The following KRT3 variants were observed in gnomAD, a reference collection of about 807,000 sequenced individuals.
KRT3 encodes the protein keratin 3, also known as keratin, type II cytoskeletal 3.
KRT3 carries 34 observed loss-of-function variants against 45.8 expected under a neutral mutation model. The ratio of observed to expected loss-of-function variants is 0.74; its 90% CI spans 0.57 to 0.99. The LOEUF (loss-of-function observed/expected upper bound fraction) is 0.99, where lower values mean the gene tolerates loss of function less well. KRT3 is among the 50% of genes least tolerant of loss of function. KRT3 has a pLI of 0.00. For missense variants in KRT3, 828 were observed against 820.6 expected, an observed-to-expected ratio of 1.01 and a Z score of -0.11; for synonymous variants, 367 against 329.0, an observed-to-expected ratio of 1.12 and a Z score of -1.25.
At chr12:52,792,019 A>G (rs560371689) in intron 5 of KRT3, among the ~76,000 whole-genome samples, 1 of 152,332 alleles carries the variant, frequency 6.6e-6, no homozygotes, top group South Asian at 2.1e-4. Flanking sequence ...CCTACCCTGT[A>G]GTTCCTGAGC....
rs1320368974 is a variant in KRT3 at position 52,790,122 on chromosome 12, C to A, written c.1807G>T (p.Gly603Cys). ...SGARYGVSGG[G>C]FSSASNRGGS... ...CCCCGGTTGCTGGCCGAGCTGAAGC[C>A]CCCGCCACTGACTCCATAGCGGGCG... Residue 603 changes from glycine (G) to cysteine (C), a missense_variant, in exon 9 of 9, where the codon GGC (glycine) becomes TGC (cysteine). By Grantham distance (159) the Gly-to-Cys change is radical. Coordinates refer to ENST00000417996, the MANE Select transcript of KRT3 (RefSeq NM_057088.3). 1 of 1,545,838 alleles carries A rather than the reference C, an allele frequency of 6.5e-7. No individual in the cohort carries two copies. Among genetic ancestry groups the A allele is most frequent in the Admixed American group, 2.0e-5 (1 of 50,992 alleles).
At chr12:52,794,081 G>T (rs1207583490) in intron 2 of KRT3, 30 bp downstream of exon 2, 2 of 1,558,488 alleles carry the variant, frequency 1.3e-6, no homozygotes, top group Admixed American at 1.7e-5. Flanking sequence ...GTGGGCCATG[G>T]CATCTTCCCA....
chr12:52,794,266 G>T lies in KRT3; in HGVS notation c.711C>A (p.Gly237=). ...ETKWNLLQQQ[G]TSSISGTNNL... Reference sequence around the variant, plus strand: ...TGTTTGTGCCTGAGATGGAACTTGTGCCCTGCTGCTGGAGCAGGTTCCACT... The same window carrying T: ...TGTTTGTGCCTGAGATGGAACTTGTTCCCTGCTGCTGGAGCAGGTTCCACT... The change falls in exon 2 of 9, where the codon GGC becomes GGA. Residue 237 remains glycine (G), a synonymous_variant. Coordinates refer to ENST00000417996, the MANE Select transcript of KRT3 (RefSeq NM_057088.3). 2 of 1,614,182 alleles carry T rather than the reference G, an allele frequency of 1.2e-6. No homozygotes were observed. Among genetic ancestry groups the T allele is most frequent in the Non-Finnish European group, 1.7e-6 (2 of 1,180,018 alleles).
chr12:52,794,025 C>T (rs2121223042), intron 2 of KRT3, 86 bp downstream of exon 2: 1 of 1,034,052 alleles, frequency 9.7e-7, no homozygotes, highest in East Asian at 2.4e-5. Context: ...ACGCCACTGC[C>T]CAGCAGTCAG....
rs763309185 is a variant in KRT3, at chr12:52,790,885, G to A, written c.1536-13C>T. ...CTCTCCAGACATCCTGTTTGAGAAA[G>A]CAAGAGAAAGTGGGCCCCGTCACAA... On this transcript the variant is annotated splice_polypyrimidine_tract_variant and intron_variant, in intron 7 of 8. Coordinates refer to ENST00000417996, the MANE Select transcript of KRT3 (RefSeq NM_057088.3). 1 of 1,592,348 alleles carries A rather than the reference G, an allele frequency of 6.3e-7. No individual in the cohort carries two copies. The highest frequency in any genetic ancestry group is 8.6e-7 in the Non-Finnish European group (1 of 1,169,318).
rs140579179 is a variant in KRT3, at chr12:52,790,553, G to C, written c.1571-195C>G. 3.1e-3 allele frequency among the ~76,000 whole-genome samples: 468 copies of C among 152,310 alleles called. 2 individuals are homozygous for C. The highest frequency in any genetic ancestry group is 0.01 in the African/African-American group (428 of 41,558). On this transcript the variant is annotated intron_variant, in intron 8 of 8. Coordinates refer to ENST00000417996, the MANE Select transcript of KRT3 (RefSeq NM_057088.3). ...TTAAGCCATTATGAATTAGCCAGTG[G>C]TTCCTCCCACAGTACAGTCTTGATG...
chr12:52,790,345 G>C lies in KRT3; in HGVS notation c.1584C>G (p.Ser528Arg), dbSNP rs1402004483. ...PSAVSISVVS[S>R]STTSASAGGY... ...CACCTGCGGAGGCGGAAGTCGTGCTGCTGCTGACCACGGCTGTGGGGGAGA... is the reference window on the plus strand; with the variant it reads ...CACCTGCGGAGGCGGAAGTCGTGCTCCTGCTGACCACGGCTGTGGGGGAGA... The change falls in exon 9 of 9, where the codon AGC (serine) becomes AGG (arginine). Residue 528 changes from serine (S) to arginine (R), a missense_variant. Coordinates refer to ENST00000417996, the MANE Select transcript of KRT3 (RefSeq NM_057088.3). 14 of 1,596,508 alleles carry C rather than the reference G, an allele frequency of 8.8e-6. No individual in the cohort carries two copies. Among genetic ancestry groups the C allele is most frequent in the Non-Finnish European group, 1.2e-5 (14 of 1,170,796 alleles).
chr12:52,790,418 T>C, intron 8 of KRT3, 60 bp from the exon 9 acceptor site: 4 of 1,477,506 alleles, frequency 2.7e-6, no homozygotes, highest in Non-Finnish European at 3.6e-6. Flanking sequence ...TGCTATGTTA[T>C]TGTCAATGAT....
rs552605707 is a variant in KRT3, at chr12:52,790,151, G to A, written c.1778C>T (p.Ser593Phe). Residue 593 changes from serine to phenylalanine, a missense_variant, in exon 9 of 9, where the codon TCT becomes TTT. Physicochemically the swap from Ser to Phe is radical, Grantham distance 155. Coordinates refer to ENST00000417996, the MANE Select transcript of KRT3 (RefSeq NM_057088.3). ...GCCACTGACTCCATAGCGGGCGCCA[G>A]AGATGGAGCCAAAGCCGCTGCCACC... ...FSGGSGFGSI[S>F]GARYGVSGGG... The A allele has an allele frequency of 6.2e-6, 9 of 1,453,788 alleles. No homozygotes were observed. The African/African-American group carries it at 1.5e-4, about 25-fold the overall frequency. 90.1% of individuals were successfully genotyped at this position (1,453,788 alleles called of 1,614,324 possible).
In KRT3 at chr12:52,789,955, T is replaced by C; in HGVS notation, c.*87A>G. 1 of 1,328,990 alleles carries C rather than the reference T, an allele frequency of 7.5e-7. No individual in the cohort carries two copies. Among genetic ancestry groups the C allele is most frequent in the South Asian group, 1.3e-5 (1 of 79,964 alleles). 82.3% of individuals were successfully genotyped at this position (1,328,990 alleles called of 1,614,324 possible). A position where few individuals can be genotyped will look rare whatever the true frequency, so the allele number is the denominator to read the frequency against. On this transcript the variant is annotated 3_prime_UTR_variant, in exon 9 of 9. Coordinates refer to ENST00000417996, the MANE Select transcript of KRT3 (RefSeq NM_057088.3). ...CGCAGAGCCGCGTTCTTGGGGAGCA[T>C]GGGGTGGCGCTGGGGGTGTTGCCAA...
chr12:52,792,261 G>T lies in KRT3; in HGVS notation c.1166C>A (p.Ala389Asp). The T allele has an allele frequency of 1.2e-6, 2 of 1,614,098 alleles. No individual in the cohort carries two copies. Among genetic ancestry groups the T allele is most frequent in the East Asian group, 4.5e-5 (2 of 44,886 alleles). The change falls in exon 5 of 9, where the codon GCT becomes GAT. Residue 389 changes from alanine to aspartate, a missense_variant. Coordinates refer to ENST00000417996, the MANE Select transcript of KRT3 (RefSeq NM_057088.3). ...CACCTTGGTCTGGTACAGGGCCTCA[G>T]CTTCGGCCTTGCTTCTCTGAGCGAT... ...EDIAQRSKAEAEALYQTKLGE... is the reference protein window; with the variant it reads ...EDIAQRSKAEDEALYQTKLGE...
At position 52,794,172 on chromosome 12, in the gene KRT3, T is replaced by C; in HGVS notation, c.805A>G (p.Arg269Gly). The change falls in exon 2 of 9, where the codon AGA becomes GGA. Residue 269 changes from arginine (R) to glycine (G), a missense_variant. By Grantham distance (125) the Arg-to-Gly change is moderately radical. Coordinates refer to ENST00000417996, the MANE Select transcript of KRT3 (RefSeq NM_057088.3). ...RSYLDNILGE[R>G]GRLDSELKNM... ...TTCAGCTCAGAGTCCAGGCGCCCTC[T>C]CTCCCCGAGGATGTTGTCCAGGTAG... 6.2e-7 allele frequency: 1 copy of C among 1,614,196 alleles called. No individual in the cohort carries two copies. Among genetic ancestry groups the C allele is most frequent in the Non-Finnish European group, 8.5e-7 (1 of 1,180,032 alleles).
Position 52,791,758 on chromosome 12 carries a change from C to G in KRT3, c.1247G>C (p.Ser416Thr). The G allele has an allele frequency of 6.2e-7, 1 of 1,614,090 alleles. No individual in the cohort carries two copies. ...CATTCTGTTGAGCTCTATGATCTCGCTCTTGGTATTTCTTAGGTCATCCCC... is the reference window on the plus strand; with the variant it reads ...CATTCTGTTGAGCTCTATGATCTCGGTCTTGGTATTTCTTAGGTCATCCCC... ...RHGDDLRNTKSEIIELNRMIQ... is the reference protein window; with the variant it reads ...RHGDDLRNTKTEIIELNRMIQ... The change falls in exon 6 of 9, where the codon AGC becomes ACC. Residue 416 changes from serine to threonine, a missense_variant. Coordinates refer to ENST00000417996, the MANE Select transcript of KRT3 (RefSeq NM_057088.3).
rs1939444493 is a variant in KRT3, at chr12:52,789,907, G to A, written c.*135C>T. On this transcript the variant is annotated 3_prime_UTR_variant, in exon 9 of 9. Transcript: ENST00000417996. The stretch of plus-strand genomic sequence containing the variant: ...CTTGGCCGGGGATCTGGAAGGAGGA[G>A]CAAGAGGCCACAAGCCTTCCAGCGC... The A allele has an allele frequency of 1.1e-5, 10 of 889,224 alleles. No homozygotes were observed. Among genetic ancestry groups the A allele is most frequent in the Non-Finnish European group, 1.8e-5 (10 of 567,806 alleles). 55.1% of individuals were successfully genotyped at this position (889,224 alleles called of 1,614,324 possible).
In KRT3 at chr12:52,795,823, C is replaced by T. The variant is rs557308178; in HGVS notation, c.220G>A (p.Gly74Ser). Residue 74 changes from glycine to serine, a missense_variant, in exon 1 of 9, where the codon GGC (glycine) becomes AGC (serine). Coordinates refer to ENST00000417996, the MANE Select transcript of KRT3 (RefSeq NM_057088.3). ...CCCCCAAAGCCTCCAGCCCGGGAGC[C>T]GCCAGCTGCCACGCTGATGGAGATG... ...KSISISVAAG[G>S]SRAGGFGGGR... The T allele has an allele frequency of 3.7e-5, 60 of 1,613,938 alleles. No individual in the cohort carries two copies. Among genetic ancestry groups the T allele is most frequent in the Admixed American group, 1.3e-4 (8 of 60,020 alleles).
chr12:52,791,025 G>C lies in KRT3; in HGVS notation c.1536-153C>G, dbSNP rs963046408. 1.2e-5 allele frequency: 15 copies of C among 1,273,274 alleles called. 1 individual carries two copies. Among genetic ancestry groups the C allele is most frequent in the Middle Eastern group, 4.0e-4 (2 of 4,976 alleles). 78.9% of individuals were successfully genotyped at this position (1,273,274 alleles called of 1,614,324 possible). ...ACCCCTCTTTGGGCTGTAGCAAGGA[G>C]AGCCTGTGGGCACTGGTTGCATACG... On this transcript the variant is annotated intron_variant, in intron 7 of 8. Coordinates refer to ENST00000417996, the MANE Select transcript of KRT3 (RefSeq NM_057088.3).
Position 52,790,314 on chromosome 12 carries a change from C to T in KRT3, c.1615G>A (p.Gly539Arg), listed in dbSNP as rs760792341. ...STTSASAGGY[G>R]GGYGGGMGGG... ...CCCATGCCTCCGCCGTAACCTCCTCCATAGCCACCTGCGGAGGCGGAAGTC... is the reference window on the plus strand; with the variant it reads ...CCCATGCCTCCGCCGTAACCTCCTCTATAGCCACCTGCGGAGGCGGAAGTC... The change falls in exon 9 of 9, where the codon GGA becomes AGA. Residue 539 changes from glycine (G) to arginine (R), a missense_variant. Transcript: ENST00000417996. 1.9e-6 allele frequency: 3 copies of T among 1,582,802 alleles called. No homozygotes were observed. In the African/African-American group the frequency reaches 4.0e-5, roughly 21 times the overall value.
rs763900382 is a variant in KRT3 at position 52,795,647 on chromosome 12, TCCAAAGC to T, written c.389_395del (p.Gly130GlufsTer42). The T allele has an allele frequency of 6.9e-7, 1 of 1,440,582 alleles. No individual in the cohort carries two copies. Among genetic ancestry groups the T allele is most frequent in the Admixed American group, 3.0e-5 (1 of 32,934 alleles). The allele number at this position is 1,440,582 out of a possible 1,614,324, so 89.2% of individuals were successfully genotyped here. On this transcript the variant is annotated frameshift_variant, in exon 1 of 9. Coordinates refer to ENST00000417996, the MANE Select transcript of KRT3 (RefSeq NM_057088.3). LOFTEE classifies it high-confidence loss of function. ...CAGGACCACCAAAGCCACCAGCCCC[TCCAAAGC>T]CACCAGCCCCTCCAAAGCCACCAGC... is the stretch of plus-strand genomic sequence containing the variant.
At position 52,789,875 on chromosome 12, in the gene KRT3, G is replaced by A; in HGVS notation, c.*167C>T. 2 of 726,044 alleles carry A rather than the reference G, an allele frequency of 2.8e-6. No homozygotes were observed. The highest frequency in any genetic ancestry group is 4.6e-6 in the Non-Finnish European group (2 of 430,722). The allele number at this position is 726,044 out of a possible 1,614,324, so 45.0% of individuals were successfully genotyped here. A position where few individuals can be genotyped will look rare whatever the true frequency, so the allele number is the denominator to read the frequency against. ...GGAGAGAAGAGCCTGAAATTCTCGT[G>A]ACTGGGCTTGGCCGGGGATCTGGAA... On this transcript the variant is annotated 3_prime_UTR_variant, in exon 9 of 9. Transcript: ENST00000417996.
Sources: gnomAD v4.1 joint callset for allele counts (sites outside exome capture counted in the v4.1 genomes callset) on GRCh38, gnomAD v4.1.1 for gene constraint, MANE v1.5 for transcripts, NCBI Gene and HGNC (gene_info 2026-07-23, HGNC 2026-07-21) for gene names.